The following SPATA22 variants were observed in gnomAD, a reference collection of about 807,000 sequenced individuals.
SPATA22 encodes spermatogenesis-associated protein 22.
A neutral mutation model predicts 47.8 loss-of-function variants in SPATA22; 29 were observed. That is an observed-to-expected ratio of 0.61 (90% CI 0.45 to 0.83). The LOEUF is 0.83. SPATA22 is among the 40% of genes least tolerant of loss of function. SPATA22 has a pLI of 0.00. For missense variants in SPATA22, 410 were observed against 421.7 expected (o/e 0.97, Z 0.24); for synonymous variants, 133 against 140.9 (o/e 0.94, Z 0.40).
intron 1 of SPATA22, among the ~76,000 whole-genome samples, chr17:3,487,995 T>C (rs1185036251): frequency 6.6e-6 from 1 of 152,230 alleles, no homozygotes; most frequent in Non-Finnish European, 1.5e-5. Flanking sequence ...CATACATATA[T>C]GCAAGAAACC....
rs1478482661 is a variant in SPATA22 at position 3,485,962 on chromosome 17, C to T, written c.-73-16564G>A. Among the ~76,000 whole-genome samples the T allele has an allele frequency of 3.6e-5, 5 of 140,178 alleles. No homozygotes were observed. The highest frequency in any genetic ancestry group is 8.1e-5 in the African/African-American group (3 of 37,236). The allele number at this position is 140,178 out of a possible 152,430, so 92.0% of individuals were successfully genotyped here. On this transcript the variant is annotated intron_variant, in intron 1 of 8. Transcript: ENST00000541913. The surrounding 1 kb of genome is among the most constrained non-coding windows in gnomAD (Gnocchi z 4.4). ...TTTTTTTTTTTTTGAGACGGAGTTT[C>T]GCTCTTGTTGCCAAGGCTGGAGTAC...
At chr17:3,474,562 ACAGT>A (rs1309138287), upstream of SPATA22, among the ~76,000 whole-genome samples, 5 of 152,326 alleles carry the variant, frequency 3.3e-5, no homozygotes, top group African/African-American at 1.2e-4. Flanking sequence ...ATGTGGACAG[ACAGT>A]CAAAGCCTAC....
intron 1 of SPATA22, among the ~76,000 whole-genome samples, chr17:3,478,599 G>A (rs2073572765): frequency 6.6e-6 from 1 of 152,166 alleles, no homozygotes; most frequent in South Asian, 2.1e-4. Context: ...GAAATGGACT[G>A]GGGTGAGTTT....
At position 3,490,747 on chromosome 17, in the gene SPATA22, T is replaced by C. The variant is rs374929558; in HGVS notation, c.-73-21349A>G. ...GGGACTACAATATATTAAGAAGTGA[T>C]ACATTCAGATAGAAGGCCACAAATC... On this transcript the variant is annotated intron_variant, in intron 1 of 8. Transcript: ENST00000541913. The surrounding 1 kb of genome is among the most constrained non-coding windows in gnomAD (Gnocchi z 4.6). Among the ~76,000 whole-genome samples the C allele has an allele frequency of 1.3e-5, 2 of 152,190 alleles. No individual in the cohort carries two copies. Among genetic ancestry groups the C allele is most frequent in the Admixed American group, 1.3e-4 (2 of 15,278 alleles).
At chr17:3,469,241 T>C (rs1371082591) in intron 2 of SPATA22, 42 bp downstream of exon 2, 2 of 887,214 alleles carry the variant, frequency 2.3e-6, no homozygotes, top group Non-Finnish European at 1.8e-6. Flanking sequence ...ACAAGCTTTA[T>C]ATGCTATACA....
At chr17:3,479,648 G>A (rs778353904) in intron 1 of SPATA22, among the ~76,000 whole-genome samples, 13 of 151,534 alleles carry the variant, frequency 8.6e-5, no homozygotes, top group South Asian at 2.1e-4. Flanking sequence ...GCACCGACTC[G>A]ACGTGGTCCC....
Position 3,485,026 on chromosome 17 carries a change from T to A in SPATA22, c.-73-15628A>T, listed in dbSNP as rs1443694800. 6.6e-6 allele frequency among the ~76,000 whole-genome samples: 1 copy of A among 151,800 alleles called. No homozygotes were observed. The highest frequency in any genetic ancestry group is 1.5e-5 in the Non-Finnish European group (1 of 67,962). ...CATCATTCACAGTAGGGTTTTGTTT[T>A]GTTTTTTTTCTGGAAAAGGGTCTCA... On this transcript the variant is annotated intron_variant, in intron 1 of 8. Coordinates refer to the SPATA22 transcript ENST00000541913. This position sits in a 1 kb window ranked among gnomAD's most constrained non-coding sequence, Gnocchi z 4.4.
chr17:3,444,225 C>G (rs967315074), intron 7 of SPATA22, among the ~76,000 whole-genome samples: 3 of 151,970 alleles, frequency 2.0e-5, no homozygotes, highest in Admixed American at 2.0e-4. Flanking sequence ...GCTAAAAAGA[C>G]CCAGATTATC....
chr17:3,449,298 A>C, intron 5 of SPATA22, 149 bp from the exon 6 acceptor site: 2 of 604,974 alleles, frequency 3.3e-6, no homozygotes, highest in Non-Finnish European at 5.7e-6. Context: ...ACATCACAAC[A>C]ACCCTACAAT....
intron 5 of SPATA22, among the ~76,000 whole-genome samples, chr17:3,452,887 C>A (rs577747871): frequency 1.1e-4 from 16 of 152,156 alleles, no homozygotes; most frequent in African/African-American, 3.6e-4. Context: ...ACGAAGTAAT[C>A]AAAAACCTCT....
chr17:3,444,694 C>A (rs777015135), intron 7 of SPATA22, among the ~76,000 whole-genome samples: 1 of 151,986 alleles, frequency 6.6e-6, no homozygotes, highest in Non-Finnish European at 1.5e-5. Context: ...GTGAATAATT[C>A]TCTATGCAAC....
intron 1 of SPATA22, 172 bp downstream of exon 1, chr17:3,471,510 A>G (rs78232924): frequency 0.022 from 21,757 of 980,272 alleles, 548 homozygotes; most frequent in East Asian, 0.11. Flanking sequence ...AGTGTGCTCA[A>G]TCTGCACGCA....
chr17:3,512,638 G>T (rs374808142), intron 1 of SPATA22: 5 of 151,456 alleles, frequency 3.3e-5, no homozygotes, highest in Non-Finnish European at 5.9e-5. Context: ...TGGTGGTTTC[G>T]GCCCCAGTCA....
intron 5 of SPATA22, among the ~76,000 whole-genome samples, chr17:3,454,350 G>A (rs2072934481): frequency 1.3e-5 from 2 of 151,844 alleles, no homozygotes; most frequent in South Asian, 4.2e-4. Flanking sequence ...TGCACAATGT[G>A]CAGGTTTGTT....
intron 1 of SPATA22, among the ~76,000 whole-genome samples, chr17:3,495,464 G>C (rs2073893171): frequency 6.6e-6 from 1 of 152,258 alleles, no homozygotes; most frequent in African/African-American, 2.4e-5. Context: ...GGCCTGCCCA[G>C]TAATACAGAC....
At chr17:3,482,977 A>C (rs904090892) in intron 1 of SPATA22, among the ~76,000 whole-genome samples, 1 of 127,218 alleles carries the variant, frequency 7.9e-6, no homozygotes, top group Non-Finnish European at 1.6e-5. Context: ...TATTGAAGAG[A>C]GAGCGGAATG....
chr17:3,499,186 T>C, intron 1 of SPATA22: 1 of 1,314,774 alleles, frequency 7.6e-7, no homozygotes, highest in African/African-American at 1.5e-5. Context: ...ACTGCATACA[T>C]AGCTCCTAGC....
rs146382931 is a variant in SPATA22, at chr17:3,497,031, A to G, written c.-74+16381T>C. ...CAGTGAGCTGAGATTGTGCCACTGC[A>G]CTCCAGCCTGGACAGAGCTGAGATT... On this transcript the variant is annotated intron_variant, in intron 1 of 8. Transcript: ENST00000541913. Among the ~76,000 whole-genome samples, 127 of 152,306 alleles carry G rather than the reference A, an allele frequency of 8.3e-4. 1 individual carries two copies. The highest frequency in any genetic ancestry group is 2.9e-3 in the African/African-American group (122 of 41,566).
chr17:3,471,412 G>C, intron 1 of SPATA22: 2 of 985,100 alleles, frequency 2.0e-6, no homozygotes, highest in Non-Finnish European at 2.4e-6. Context: ...TGATCCTGAG[G>C]GCGGGGACCC....
Sources: gnomAD v4.1 joint callset for allele counts (sites outside exome capture counted in the v4.1 genomes callset) on GRCh38, gnomAD v4.1.1 for gene constraint, Gnocchi (gnomAD v3.1) non-coding constraint, MANE v1.5 for transcripts, NCBI Gene and HGNC (gene_info 2026-07-23, HGNC 2026-07-21) for gene names.